ABCC3: variants seen among roughly 807,000 people sequenced by gnomAD.
The protein encoded by ABCC3 is ATP binding cassette subfamily C member 3, also known as ATP-binding cassette sub-family C member 3.
Under a neutral mutation model 165.3 loss-of-function variants are expected in ABCC3, and 121 were observed. The observed-to-expected ratio is 0.73, with a 90% CI of 0.63 to 0.85. The LOEUF (loss-of-function observed/expected upper bound fraction) is 0.85, where lower values mean the gene tolerates loss of function less well. Ranked by LOEUF, ABCC3 falls within the 40% of genes least tolerant of loss-of-function variation. The pLI, the probability that ABCC3 is intolerant of heterozygous loss-of-function variation, is 0.00. For synonymous variants in ABCC3, 733 were observed against 810.1 expected, an observed-to-expected ratio of 0.90 and a Z score of 1.62; for missense variants, 1,869 against 1,964.1, an observed-to-expected ratio of 0.95 and a Z score of 0.92.
At chr17:50,641,994 GAAA>G (rs78689334) in intron 1 of ABCC3, among the ~76,000 whole-genome samples, 2 of 140,786 alleles carry the variant, frequency 1.4e-5, no homozygotes, top group African/African-American at 2.6e-5. Context: ...TTACAGTGGG[GAAA>G]AAAAAAAAAA....
chr17:50,661,187 A>G (rs1182868896), intron 8 of ABCC3, 73 bp downstream of exon 8: 8 of 1,449,938 alleles, frequency 5.5e-6, no homozygotes, highest in Middle Eastern at 1.8e-4. Context: ...AGAGGAAGGA[A>G]CAACGTACAG....
At position 50,684,828 on chromosome 17, in the gene ABCC3, G is replaced by C; in HGVS notation, c.4233G>C (p.Gln1411His). 1 of 1,614,180 alleles carries C rather than the reference G, an allele frequency of 6.2e-7. No homozygotes were observed. The highest frequency in any genetic ancestry group is 8.5e-7 in the Non-Finnish European group (1 of 1,180,034). Residue 1411 changes from glutamine to histidine, a missense_variant, in exon 29 of 31, where the codon CAG (glutamine) becomes CAC (histidine). Gln to His is a conservative substitution (Grantham distance 24). Transcript: ENST00000285238. The part of the protein sequence containing the change: ...LSHLHTFVSS[Q>H]PAGLDFQCSE... ...ACCTGCACACGTTTGTGAGCTCCCA[G>C]CCGGCAGGCCTGGACTTCCAGTGCT...
chr17:50,662,944 C>T (rs1345047216), intron 8 of ABCC3, among the ~76,000 whole-genome samples: 5 of 151,882 alleles, frequency 3.3e-5, no homozygotes, highest in Admixed American at 6.6e-5. Context: ...TGAAGCTCAG[C>T]GGCAAAGGGG....
rs75457102 is a variant in ABCC3, at chr17:50,662,695, T to G, written c.999-986T>G. Among the ~76,000 whole-genome samples the G allele has an allele frequency of 2.0e-3, 302 of 149,412 alleles. 5 individuals are homozygous for G. The East Asian group carries it at 0.052, about 26-fold the overall frequency. On this transcript the variant is annotated intron_variant, in intron 8 of 30. Transcript: ENST00000285238. ...ACACCAGTCACTGGGCTGGGGCCAC[T>G]GGGGCCCACCCTACTCCAATATGAC...
rs868069405 is a variant in ABCC3, at chr17:50,645,350, G to T, written c.45+10369G>T. 3.5e-5 allele frequency among the ~76,000 whole-genome samples: 5 copies of T among 143,908 alleles called. No homozygotes were observed. The South Asian group carries it at 1.1e-3, about 32-fold the overall frequency. The allele number at this position is 143,908 out of a possible 152,430, so 94.4% of individuals were successfully genotyped here. On this transcript the variant is annotated intron_variant, in intron 1 of 30. Coordinates refer to ENST00000285238, the MANE Select transcript of ABCC3 (RefSeq NM_003786.4). Reference sequence around the variant, plus strand: ...GATTGTGCCACTGCCCTCCAGCCTGGGCGACAGAGCAAGATTCCATCAAAA... The same window carrying T: ...GATTGTGCCACTGCCCTCCAGCCTGTGCGACAGAGCAAGATTCCATCAAAA...
Position 50,677,903 on chromosome 17 carries a change from G to A in ABCC3, c.3538G>A (p.Ala1180Thr), listed in dbSNP as rs1967854397. 1.2e-6 allele frequency: 2 copies of A among 1,614,164 alleles called. No individual in the cohort carries two copies. The highest frequency in any genetic ancestry group is 1.7e-6 in the Non-Finnish European group (2 of 1,180,040). ...FEIISDTKVD[A>T]NQRSCYPYII... The stretch of plus-strand genomic sequence containing the variant: ...GATCATCAGTGATACTAAGGTGGAT[G>A]CCAACCAGAGAAGCTGCTACCCCTA... Residue 1180 changes from alanine to threonine, a missense_variant, in exon 24 of 31, where the codon GCC becomes ACC. Coordinates refer to ENST00000285238, the MANE Select transcript of ABCC3 (RefSeq NM_003786.4).
intron 1 of ABCC3, among the ~76,000 whole-genome samples, chr17:50,652,636 T>C (rs974532440): frequency 2.0e-5 from 3 of 152,174 alleles, no homozygotes; most frequent in Non-Finnish European, 4.4e-5. Context: ...AACCCATTTT[T>C]CCAAAAATAC....
At chr17:50,641,102 C>A (rs2054227448) in intron 1 of ABCC3, among the ~76,000 whole-genome samples, 1 of 152,202 alleles carries the variant, frequency 6.6e-6, no homozygotes, top group Non-Finnish European at 1.5e-5. Flanking sequence ...CCGGGGTCCT[C>A]ACCCCCCGCC....
At position 50,677,789 on chromosome 17, in the gene ABCC3, G is replaced by A. The variant is rs761927302; in HGVS notation, c.3424G>A (p.Val1142Ile). 33 of 1,613,994 alleles carry A rather than the reference G, an allele frequency of 2.0e-5. No homozygotes were observed. Among genetic ancestry groups the A allele is most frequent in the Non-Finnish European group, 2.1e-5 (25 of 1,180,026 alleles). Residue 1142 changes from valine (V) to isoleucine (I), a missense_variant, in exon 24 of 31, where the codon GTC becomes ATC. Transcript: ENST00000285238. ...ACGGCAACTGAAGCGGCTGGAATCAGTCAGCCGCTCACCTATCTACTCCCA... is the reference window on the plus strand; with the variant it reads ...ACGGCAACTGAAGCGGCTGGAATCAATCAGCCGCTCACCTATCTACTCCCA... ...TSRQLKRLES[V>I]SRSPIYSHFS...
chr17:50,686,316 G>T (rs912651884), intron 29 of ABCC3, among the ~76,000 whole-genome samples: 6 of 152,328 alleles, frequency 3.9e-5, no homozygotes, highest in Middle Eastern at 3.4e-3. Flanking sequence ...GGTTTGAAAT[G>T]ATTTCCTCGC....
chr17:50,679,639 C>T, intron 25 of ABCC3, 159 bp from the exon 26 acceptor site: 2 of 617,558 alleles, frequency 3.2e-6, no homozygotes, highest in East Asian at 5.6e-5. Flanking sequence ...GATTACAGCC[C>T]CAGCTGGCAT....
rs763535989 is a variant in ABCC3, at chr17:50,657,190, T to C, written c.486+7T>C. The C allele has an allele frequency of 2.5e-5, 40 of 1,613,050 alleles. No homozygotes were observed. The highest frequency in any genetic ancestry group is 3.3e-4 in the Middle Eastern group (2 of 6,054). ...CCTTTTAGCCAAGGCAGAGGTAAGGTTGGGGGAGAGGGGAACCTGCCAGGT... is the reference window on the plus strand; with the variant it reads ...CCTTTTAGCCAAGGCAGAGGTAAGGCTGGGGGAGAGGGGAACCTGCCAGGT... On this transcript the variant is annotated splice_region_variant and intron_variant, in intron 4 of 30. Coordinates refer to ENST00000285238, the MANE Select transcript of ABCC3 (RefSeq NM_003786.4).
Position 50,673,648 on chromosome 17 carries a change from C to G in ABCC3, c.2589C>G (p.Asp863Glu). 1.9e-6 allele frequency: 3 copies of G among 1,614,108 alleles called. No homozygotes were observed. Among genetic ancestry groups the G allele is most frequent in the Non-Finnish European group, 2.5e-6 (3 of 1,179,986 alleles). Residue 863 changes from aspartate (D) to glutamate (E), a missense_variant, in exon 19 of 31, where the codon GAC (aspartate) becomes GAG (glutamate). By Grantham distance (45) the Asp-to-Glu change is conservative. Coordinates refer to ENST00000285238, the MANE Select transcript of ABCC3 (RefSeq NM_003786.4). ...APDEDQGHLE[D>E]SWTALEGAED... Reference sequence around the variant, plus strand: ...ATGAGGACCAAGGGCACCTGGAGGACAGCTGGACCGGTATCTGCCATCCTG... The same window carrying G: ...ATGAGGACCAAGGGCACCTGGAGGAGAGCTGGACCGGTATCTGCCATCCTG...
Position 50,684,052 on chromosome 17 carries a change from A to G in ABCC3, c.4058A>G (p.Asn1353Ser), listed in dbSNP as rs1294195102. Residue 1353 changes from asparagine (N) to serine (S), a missense_variant, in exon 28 of 31, where the codon AAT (asparagine) becomes AGT (serine). Coordinates refer to ENST00000285238, the MANE Select transcript of ABCC3 (RefSeq NM_003786.4). ...AKGEIRIDGL[N>S]VADIGLHDLR... ...GGTGAAATCCGCATTGATGGCCTCAATGTGGCAGACATCGGCCTCCATGAC... is the reference window on the plus strand; with the variant it reads ...GGTGAAATCCGCATTGATGGCCTCAGTGTGGCAGACATCGGCCTCCATGAC... 5 of 1,613,108 alleles carry G rather than the reference A, an allele frequency of 3.1e-6. No individual in the cohort carries two copies. The highest frequency in any genetic ancestry group is 2.7e-5 in the African/African-American group (2 of 74,942).
intron 1 of ABCC3, among the ~76,000 whole-genome samples, chr17:50,636,231 G>A (rs2054178345): frequency 6.6e-6 from 1 of 152,220 alleles, no homozygotes; most frequent in Non-Finnish European, 1.5e-5. Flanking sequence ...ACACACGCAG[G>A]CACGTGGGGT....
chr17:50,653,022 C>T (rs955690191), intron 1 of ABCC3, among the ~76,000 whole-genome samples: 19 of 152,250 alleles, frequency 1.2e-4, no homozygotes, highest in South Asian at 1.0e-3. Flanking sequence ...GTTCTACTTC[C>T]GATCCCACTT....
At position 50,665,139 on chromosome 17, in the gene ABCC3, C is replaced by T. The variant is rs759758870; in HGVS notation, c.1339-14C>T. 1.1e-5 allele frequency: 17 copies of T among 1,612,338 alleles called. No individual in the cohort carries two copies. Among genetic ancestry groups the T allele is most frequent in the African/African-American group, 6.7e-5 (5 of 74,894 alleles). ...CTGTCCCTATGTGTCATCTATCCAC[C>T]GGTGCCTCCTCAGAACCTAGGTCCC... On this transcript the variant is annotated splice_polypyrimidine_tract_variant and intron_variant, in intron 10 of 30. Transcript: ENST00000285238.
At chr17:50,652,198 C>G (rs1219626783) in intron 1 of ABCC3, among the ~76,000 whole-genome samples, 6 of 152,166 alleles carry the variant, frequency 3.9e-5, no homozygotes, top group African/African-American at 1.4e-4. Flanking sequence ...CTGTATCATA[C>G]ATACAGACTT....
At chr17:50,660,788 G>T in intron 7 of ABCC3, 135 bp from the exon 8 acceptor site, 1 of 681,832 alleles carries the variant, frequency 1.5e-6, no homozygotes, top group Non-Finnish European at 2.4e-6. Flanking sequence ...TATGCTGTCT[G>T]TTCCCCTCCC....
Sources: gnomAD v4.1 joint callset for allele counts (sites outside exome capture counted in the v4.1 genomes callset) on GRCh38, gnomAD v4.1.1 for gene constraint, MANE v1.5 for transcripts, NCBI Gene and HGNC (gene_info 2026-07-23, HGNC 2026-07-21) for gene names.